The following SEMA3D variants were observed in gnomAD, a reference collection of about 807,000 sequenced individuals.
The protein encoded by SEMA3D is semaphorin 3D.
Under a neutral mutation model 100.1 loss-of-function variants are expected in SEMA3D, and 84 were observed. The observed-to-expected ratio is 0.84, with a 90% CI of 0.70 to 1.01. The LOEUF is 1.01. SEMA3D is among the 50% of genes least tolerant of loss of function. The pLI, the probability that SEMA3D is intolerant of heterozygous loss-of-function variation, is 0.00. For synonymous variants in SEMA3D, 312 were observed against 320.7 expected (o/e 0.97, Z 0.29); for missense variants, 875 against 934.1 (o/e 0.94, Z 0.82).
At chr7:85,206,273 C>T in the SEMA3D span, among the ~76,000 whole-genome samples, 1 of 152,112 alleles carries the variant, frequency 6.6e-6, no homozygotes, top group East Asian at 1.9e-4. Flanking sequence ...CTGGAAATTA[C>T]AAATATTTTT....
intron 1 of SEMA3D, among the ~76,000 whole-genome samples, chr7:85,173,225 G>A (rs1024705011): frequency 2.0e-5 from 3 of 152,054 alleles, no homozygotes; most frequent in African/African-American, 7.2e-5. Context: ...AATATTTAAT[G>A]TTATGAATCC....
the SEMA3D span, among the ~76,000 whole-genome samples, chr7:85,240,504 T>C: frequency 1.3e-5 from 2 of 152,150 alleles, no homozygotes; most frequent in Non-Finnish European, 2.9e-5. Context: ...GGTTACCTCA[T>C]ACAATGAGTT....
At chr7:85,192,646 A>C in the SEMA3D span, among the ~76,000 whole-genome samples, 1 of 152,146 alleles carries the variant, frequency 6.6e-6, no homozygotes, top group South Asian at 2.1e-4. Context: ...AAGCCTATTT[A>C]GTATAGTGAA....
intron 5 of SEMA3D, among the ~76,000 whole-genome samples, chr7:85,076,588 A>C (rs1208956127): frequency 2.0e-5 from 3 of 152,222 alleles, no homozygotes; most frequent in Non-Finnish European, 4.4e-5. Flanking sequence ...ACTGACTTAC[A>C]GTAGCTAATT....
chr7:85,037,336 A>G (rs1396631528), intron 11 of SEMA3D, among the ~76,000 whole-genome samples: 2 of 152,168 alleles, frequency 1.3e-5, no homozygotes, highest in East Asian at 3.9e-4. Context: ...GGCACCTGAT[A>G]GATAAACAGA....
intron 1 of SEMA3D, among the ~76,000 whole-genome samples, chr7:85,182,776 C>G (rs1333031955): frequency 6.6e-6 from 1 of 152,154 alleles, no homozygotes; most frequent in Non-Finnish European, 1.5e-5. Context: ...ACTTATTCCA[C>G]AAATGTGAAT....
chr7:85,072,908 A>C, intron 6 of SEMA3D, 54 bp downstream of exon 6: 1 of 1,400,092 alleles, frequency 7.1e-7, no homozygotes, highest in South Asian at 1.3e-5. Context: ...CATAGGAATT[A>C]AGTAGTAATG....
rs184695572 is a variant in SEMA3D at position 85,175,315 on chromosome 7, G to A, written c.-173+11363C>T. On this transcript the variant is annotated intron_variant, in intron 1 of 18. Transcript: ENST00000284136. ...CTAAACAATCAACATCCAGAGACTG[G>A]GGCTGGGATAGGGTGAGGAATCCTG... 9.9e-5 allele frequency among the ~76,000 whole-genome samples: 15 copies of A among 152,276 alleles called. No homozygotes were observed. In the East Asian group the frequency reaches 2.9e-3, roughly 29 times the overall value.
At chr7:85,114,663 G>A (rs55834466) in intron 3 of SEMA3D, among the ~76,000 whole-genome samples, 42,325 of 151,864 alleles carry the variant, frequency 0.28, 6,238 homozygotes, top group East Asian at 0.39. Context: ...TAAAACATCT[G>A]AAAAAATTAT....
the SEMA3D span, among the ~76,000 whole-genome samples, chr7:85,213,692 G>A: frequency 6.6e-6 from 1 of 150,846 alleles, no homozygotes; most frequent in East Asian, 1.9e-4. Context: ...AGTTTCCTAG[G>A]GCATTAAACA....
intron 9 of SEMA3D, among the ~76,000 whole-genome samples, chr7:85,055,415 T>C (rs1224403746): frequency 1.3e-5 from 2 of 151,890 alleles, no homozygotes; most frequent in Non-Finnish European, 2.9e-5. Flanking sequence ...CAAAGATGTG[T>C]AACTCACACC....
At position 85,006,839 on chromosome 7, in the gene SEMA3D, C is replaced by A; in HGVS notation, c.1871G>T (p.Trp624Leu). 1 of 1,610,568 alleles carries A rather than the reference C, an allele frequency of 6.2e-7. No homozygotes were observed. The highest frequency in any genetic ancestry group is 2.2e-5 in the East Asian group (1 of 44,724). The change falls in exon 18 of 19, where the codon TGG becomes TTG. Residue 624 changes from tryptophan (W) to leucine (L), a missense_variant. By Grantham distance (61) the Trp-to-Leu change is moderately conservative. Transcript: ENST00000284136. ...CTCATCCCCTGACCTCTGGATATAC[C>A]ATTTAATAGTTGCTTGTTGGGATTT... ...IPKSQQATIK[W>L]YIQRSGDEHR...
At chr7:85,221,548 G>A in the SEMA3D span, among the ~76,000 whole-genome samples, 2 of 152,024 alleles carry the variant, frequency 1.3e-5, no homozygotes, top group South Asian at 4.1e-4. Context: ...ACCAGTGATA[G>A]CGTTTATTAT....
chr7:85,237,052 T>G, the SEMA3D span, among the ~76,000 whole-genome samples: 1 of 152,162 alleles, frequency 6.6e-6, no homozygotes, highest in Admixed American at 6.5e-5. Flanking sequence ...ATTGGTGAAA[T>G]TCATTGGAAT....
intron 2 of SEMA3D, among the ~76,000 whole-genome samples, chr7:85,148,803 G>A (rs746065607): frequency 6.6e-6 from 1 of 152,058 alleles, no homozygotes; most frequent in Non-Finnish European, 1.5e-5. Context: ...GTACATGTGT[G>A]TGTGCATGTA....
chr7:85,173,425 C>T (rs569040324), intron 1 of SEMA3D, among the ~76,000 whole-genome samples: 59 of 152,140 alleles, frequency 3.9e-4, no homozygotes, highest in Non-Finnish European at 7.5e-4. Context: ...TGATCTATTG[C>T]ACTGTGCCCC....
chr7:85,244,967 C>T, the SEMA3D span, among the ~76,000 whole-genome samples: 1 of 152,092 alleles, frequency 6.6e-6, no homozygotes, highest in South Asian at 2.1e-4. Flanking sequence ...ACCTTGGCCT[C>T]CCAAAGTGTT....
At chr7:85,105,118 T>C (rs938836736) in intron 3 of SEMA3D, among the ~76,000 whole-genome samples, 1 of 152,094 alleles carries the variant, frequency 6.6e-6, no homozygotes, top group Non-Finnish European at 1.5e-5. Context: ...CAATGTATTC[T>C]CTACAAAGCT....
intron 8 of SEMA3D, among the ~76,000 whole-genome samples, chr7:85,063,065 T>C (rs1791520284): frequency 6.6e-6 from 1 of 152,194 alleles, no homozygotes; most frequent in Admixed American, 6.5e-5. Flanking sequence ...CTAATTCAGC[T>C]CTTAAAATTG....
Sources: gnomAD v4.1 joint callset for allele counts (sites outside exome capture counted in the v4.1 genomes callset) on GRCh38, gnomAD v4.1.1 for gene constraint, MANE v1.5 for transcripts, NCBI Gene and HGNC (gene_info 2026-07-23, HGNC 2026-07-21) for gene names.